PPP2R2C: variants seen among roughly 807,000 people sequenced by gnomAD.
PPP2R2C encodes the protein protein phosphatase 2 regulatory subunit Bgamma, also known as protein phosphatase 2, regulatory subunit B, gamma.
Under a neutral mutation model 45.3 loss-of-function variants are expected in PPP2R2C, and 10 were observed. The observed-to-expected ratio is 0.22, with a 90% CI of 0.14 to 0.37. PPP2R2C has a LOEUF of 0.37. Among genes scored for constraint, PPP2R2C ranks in the 10% least tolerant of loss-of-function variants. The probability of loss-of-function intolerance (pLI) is 1.00; values close to 1 mark genes in which losing one functional copy is unlikely to be tolerated. For synonymous variants in PPP2R2C, 257 were observed against 245.4 expected, an observed-to-expected ratio of 1.05 and a Z score of -0.44; for missense variants, 308 against 619.7, an observed-to-expected ratio of 0.50 and a Z score of 5.34.
intron 1 of PPP2R2C, among the ~76,000 whole-genome samples, chr4:6,401,944 C>A (rs560500917): frequency 6.6e-6 from 1 of 152,126 alleles, no homozygotes; most frequent in Admixed American, 6.5e-5. Context: ...AGCCAAGAAC[C>A]CAGGCGCAAA....
chr4:6,324,309 G>A lies in PPP2R2C; in HGVS notation c.1053-716C>T, dbSNP rs1390870723. 6.6e-6 allele frequency among the ~76,000 whole-genome samples: 1 copy of A among 152,126 alleles called. No individual in the cohort carries two copies. Among genetic ancestry groups the A allele is most frequent in the East Asian group, 1.9e-4 (1 of 5,190 alleles). On this transcript the variant is annotated intron_variant, in intron 8 of 8. Transcript: ENST00000382599. The surrounding 1 kb of genome is among the most constrained non-coding windows in gnomAD (Gnocchi z 4.1). The stretch of plus-strand genomic sequence containing the variant: ...TAGCTGGACATGGTGGTGGGCACCT[G>A]TAATCCCAGCTACTCAGGAGGCTGA...
chr4:6,358,878 C>T lies in PPP2R2C; in HGVS notation c.626-10868G>A, dbSNP rs1369945355. On this transcript the variant is annotated intron_variant, in intron 5 of 8. Transcript: ENST00000382599. The stretch of plus-strand genomic sequence containing the variant: ...TGGAGAGGATGTGGAGAAATAGGAA[C>T]GCTTTTACACTGTTGGTGGGACTAT... Among the ~76,000 whole-genome samples the T allele has an allele frequency of 8.5e-5, 13 of 152,266 alleles. No homozygotes were observed. In the South Asian group the frequency reaches 1.0e-3, roughly 12 times the overall value.
chr4:6,535,449 A>T, intron 1 of PPP2R2C: 2 of 1,000,252 alleles, frequency 2.0e-6, no homozygotes, highest in East Asian at 5.7e-5. Flanking sequence ...CACACACCAC[A>T]TGCAACGCGA....
chr4:6,433,472 TC>T (rs1719732671), intron 1 of PPP2R2C, among the ~76,000 whole-genome samples: 1 of 152,182 alleles, frequency 6.6e-6, no homozygotes, highest in Non-Finnish European at 1.5e-5. Context: ...CGCCAAGTTT[TC>T]CCATCATTCT....
intron 1 of PPP2R2C, among the ~76,000 whole-genome samples, chr4:6,539,884 G>A (rs1724753318): frequency 1.3e-5 from 2 of 152,078 alleles, no homozygotes; most frequent in Admixed American, 6.6e-5. Flanking sequence ...TGTGGGTAGA[G>A]GGGTCTGGGT....
intron 1 of PPP2R2C, among the ~76,000 whole-genome samples, chr4:6,543,073 C>T (rs937613544): frequency 2.0e-5 from 3 of 152,190 alleles, no homozygotes; most frequent in Non-Finnish European, 4.4e-5. Flanking sequence ...GGATCTTTGC[C>T]GCAGCAGGCG....
intron 2 of PPP2R2C, among the ~76,000 whole-genome samples, chr4:6,501,488 T>A (rs761908910): frequency 6.6e-6 from 1 of 152,224 alleles, no homozygotes; most frequent in Non-Finnish European, 1.5e-5. Flanking sequence ...TGGGGGACCA[T>A]GCCCCTTCGG....
intron 1 of PPP2R2C, among the ~76,000 whole-genome samples, chr4:6,452,788 C>T (rs1467216263): frequency 6.6e-6 from 1 of 152,246 alleles, no homozygotes; most frequent in Non-Finnish European, 1.5e-5. Flanking sequence ...CCTGAGTGTT[C>T]CCAAGCCTGG....
In PPP2R2C at chr4:6,329,407, C is replaced by T. The variant is rs1732220704; in HGVS notation, c.961-54G>A. 1 of 1,496,746 alleles carries T rather than the reference C, an allele frequency of 6.7e-7. No homozygotes were observed. Among genetic ancestry groups the T allele is most frequent in the Non-Finnish European group, 9.3e-7 (1 of 1,074,916 alleles). 92.7% of individuals were successfully genotyped at this position (1,496,746 alleles called of 1,614,324 possible). ...ACGGGGCGTCCCGACCATCCTGGCC[C>T]TTCCACAAGAAGGGTCTCAAAGAGC... On this transcript the variant is annotated intron_variant, in intron 7 of 8. Coordinates refer to ENST00000382599, the MANE Select transcript of PPP2R2C (RefSeq NM_020416.4). The surrounding 1 kb of genome is among the most constrained non-coding windows in gnomAD (Gnocchi z 5.8).
At chr4:6,461,404 G>T (rs905103672) in intron 1 of PPP2R2C, among the ~76,000 whole-genome samples, 4 of 152,198 alleles carry the variant, frequency 2.6e-5, no homozygotes, top group African/African-American at 9.6e-5. Flanking sequence ...CCCAGCCAGG[G>T]ACTACATTTC....
At chr4:6,424,722 A>G (rs1195138319) in intron 1 of PPP2R2C, among the ~76,000 whole-genome samples, 3 of 152,168 alleles carry the variant, frequency 2.0e-5, no homozygotes, top group Admixed American at 2.0e-4. Context: ...GCAAGGGTTC[A>G]GGGATGGGAC....
chr4:6,515,656 A>G (rs1723806930), intron 2 of PPP2R2C, among the ~76,000 whole-genome samples: 1 of 152,210 alleles, frequency 6.6e-6, no homozygotes, highest in South Asian at 2.1e-4. Flanking sequence ...CCCTTTGCCT[A>G]TTGCCTGGTA....
chr4:6,416,397 TG>T (rs749279366), intron 1 of PPP2R2C, among the ~76,000 whole-genome samples: 2 of 152,176 alleles, frequency 1.3e-5, no homozygotes, highest in African/African-American at 2.4e-5. Flanking sequence ...CACCATCCCG[TG>T]AAAATACTCA....
At chr4:6,398,997 C>T (rs1397108915) in intron 1 of PPP2R2C, among the ~76,000 whole-genome samples, 1 of 152,212 alleles carries the variant, frequency 6.6e-6, no homozygotes, top group African/African-American at 2.4e-5. Flanking sequence ...CCAAAAAATG[C>T]ATGCATCTAT....
chr4:6,361,110 G>A (rs541458461), intron 5 of PPP2R2C, among the ~76,000 whole-genome samples: 2 of 152,308 alleles, frequency 1.3e-5, no homozygotes, highest in Non-Finnish European at 2.9e-5. Context: ...TGGGGATGGA[G>A]GAGACACAAT....
At chr4:6,351,032 C>G (rs1442115590) in intron 5 of PPP2R2C, 1 of 985,094 alleles carries the variant, frequency 1.0e-6, no homozygotes, top group Non-Finnish European at 1.2e-6. Context: ...AGGCCAGGCA[C>G]CAGAGCTCAC....
intron 1 of PPP2R2C, chr4:6,384,601 C>T (rs1035309462): frequency 1.8e-5 from 18 of 985,092 alleles, no homozygotes; most frequent in African/African-American, 1.7e-4. Context: ...ATGATGGGAA[C>T]ATAACAATGC....
At chr4:6,410,837 C>T (rs924024747) in intron 1 of PPP2R2C, among the ~76,000 whole-genome samples, 2 of 141,920 alleles carry the variant, frequency 1.4e-5, no homozygotes, top group African/African-American at 2.6e-5. Flanking sequence ...TACTATTCCC[C>T]CTGTTTTATT....
At chr4:6,477,253 G>C (rs73207865), upstream of PPP2R2C, among the ~76,000 whole-genome samples, 1 of 152,006 alleles carries the variant, frequency 6.6e-6, no homozygotes, top group Non-Finnish European at 1.5e-5. Flanking sequence ...CTCTTCAAAA[G>C]AAATTCTAGG....
Sources: allele counts gnomAD v4.1 joint callset (sites outside exome capture counted in the v4.1 genomes callset), GRCh38; gene constraint gnomAD v4.1.1; non-coding constraint Gnocchi (gnomAD v3.1); transcripts MANE v1.5; gene names NCBI Gene and HGNC (gene_info 2026-07-23, HGNC 2026-07-21).